The following SEC23A variants were observed in gnomAD, a reference collection of about 807,000 sequenced individuals.
SEC23A encodes protein transport protein Sec23A.
Under a neutral mutation model 103.7 loss-of-function variants are expected in SEC23A, and 56 were observed. The ratio of observed to expected loss-of-function variants is 0.54; its 90% CI spans 0.44 to 0.67. The LOEUF is 0.67. Ranked by LOEUF, SEC23A falls within the 30% of genes least tolerant of loss-of-function variation. The pLI, the probability that SEC23A is intolerant of heterozygous loss-of-function variation, is 0.00. For missense variants in SEC23A, 784 were observed against 936.4 expected (o/e 0.84, Z 2.12); for synonymous variants, 281 against 293.0 (o/e 0.96, Z 0.42).
chr14:39,072,870 G>C (rs1886886073), intron 9 of SEC23A, among the ~76,000 whole-genome samples: 1 of 152,080 alleles, frequency 6.6e-6, no homozygotes, highest in Non-Finnish European at 1.5e-5. Flanking sequence ...TGGAGAAACT[G>C]GAATCCTCAT....
intron 9 of SEC23A, among the ~76,000 whole-genome samples, chr14:39,067,544 AT>A (rs927032155): frequency 2.7e-5 from 4 of 147,126 alleles, no homozygotes; most frequent in Admixed American, 6.8e-5. Context: ...TTAAAAAAAA[AT>A]TCTTCTTTAA....
At chr14:39,049,928 C>T (rs1885996601) in intron 14 of SEC23A, among the ~76,000 whole-genome samples, 1 of 151,988 alleles carries the variant, frequency 6.6e-6, no homozygotes, top group Non-Finnish European at 1.5e-5. Flanking sequence ...GCCGCCACGC[C>T]CAGCTAATTT....
At chr14:39,078,846 G>C (rs1887126234) in intron 7 of SEC23A, among the ~76,000 whole-genome samples, 1 of 151,794 alleles carries the variant, frequency 6.6e-6, no homozygotes, top group African/African-American at 2.4e-5. Flanking sequence ...GAGATATAGA[G>C]GTCCAGCATC....
intron 14 of SEC23A, among the ~76,000 whole-genome samples, chr14:39,051,364 C>A (rs748517758): frequency 6.6e-6 from 1 of 152,192 alleles, no homozygotes. Context: ...CTAATCTGGT[C>A]TCTAGCCCCA....
chr14:39,049,656 T>C (rs8005340), intron 14 of SEC23A, among the ~76,000 whole-genome samples: 73,855 of 151,344 alleles, frequency 0.49, 18,409 homozygotes, highest in Middle Eastern at 0.57. Context: ...CACGTGACTA[T>C]AGTCCCAGCT....
Position 39,055,136 on chromosome 14 carries a change from T to G in SEC23A, c.1659+7A>C, listed in dbSNP as rs1423588994. ...AGATTTAGAAAAGCACAGTGTTTAT[T>G]TCTTACCAGTCGAATGAGCTGTCTG... On this transcript the variant is annotated splice_region_variant and intron_variant, in intron 14 of 19. Transcript: ENST00000307712. 1 of 1,614,162 alleles carries G rather than the reference T, an allele frequency of 6.2e-7. No individual in the cohort carries two copies.
intron 8 of SEC23A, 134 bp downstream of exon 8, chr14:39,075,801 C>G (rs1300941180): frequency 4.0e-6 from 3 of 743,246 alleles, no homozygotes; most frequent in African/African-American, 3.5e-5. Flanking sequence ...GAATATTTCT[C>G]CAATTCTGAA....
At chr14:39,048,561 C>G (rs1239726949) in intron 15 of SEC23A, 91 bp downstream of exon 15, 1 of 823,312 alleles carries the variant, frequency 1.2e-6, no homozygotes, top group Non-Finnish European at 2.1e-6. Flanking sequence ...GATGGAGCCA[C>G]TATACTTCAG....
intron 16 of SEC23A, among the ~76,000 whole-genome samples, chr14:39,044,288 T>C (rs2139191758): frequency 6.6e-6 from 1 of 152,004 alleles, no homozygotes; most frequent in South Asian, 2.1e-4. Context: ...ACGTTATTAC[T>C]CAGAAGAAAA....
chr14:39,037,036 T>C (rs1443650705), intron 19 of SEC23A, among the ~76,000 whole-genome samples: 7 of 152,160 alleles, frequency 4.6e-5, no homozygotes, highest in South Asian at 4.1e-4. Flanking sequence ...TTTTATGACA[T>C]ACTATTCTTT....
intron 1 of SEC23A, among the ~76,000 whole-genome samples, chr14:39,096,956 A>G (rs564338406): frequency 6.6e-6 from 1 of 152,206 alleles, no homozygotes; most frequent in Non-Finnish European, 1.5e-5. Flanking sequence ...TAATTTTCTT[A>G]TTGTGCAAGT....
intron 4 of SEC23A, 135 bp downstream of exon 4, chr14:39,092,406 A>G (rs976085475): frequency 3.0e-6 from 2 of 655,760 alleles, no homozygotes; most frequent in African/African-American, 3.7e-5. Context: ...ACTGACCTCA[A>G]CAGTTCTTAC....
At chr14:39,047,507 CA>C in intron 15 of SEC23A, 3 of 688,818 alleles carry the variant, frequency 4.4e-6, no homozygotes, top group Non-Finnish European at 6.1e-6. Context: ...AAAACAACAA[CA>C]ACAAAAAAAA....
chr14:39,047,932 T>G (rs1885899503), intron 15 of SEC23A, among the ~76,000 whole-genome samples: 1 of 152,096 alleles, frequency 6.6e-6, no homozygotes, highest in African/African-American at 2.4e-5. Flanking sequence ...ATCAAATGAG[T>G]TTATTTTCTA....
At chr14:39,068,966 G>A (rs550595482) in intron 9 of SEC23A, among the ~76,000 whole-genome samples, 1 of 152,190 alleles carries the variant, frequency 6.6e-6, no homozygotes, top group East Asian at 1.9e-4. Flanking sequence ...TGATCCAGAA[G>A]TCTTGCCAAC....
At chr14:39,040,995 A>G (rs1885618685) in intron 17 of SEC23A, 108 bp from the exon 18 acceptor site, 1 of 1,287,058 alleles carries the variant, frequency 7.8e-7, no homozygotes, top group Non-Finnish European at 1.0e-6. Flanking sequence ...ATTATAGACC[A>G]TTATTCCATT....
chr14:39,052,221 G>C (rs761713884), intron 14 of SEC23A, among the ~76,000 whole-genome samples: 15 of 151,862 alleles, frequency 9.9e-5, no homozygotes, highest in Non-Finnish European at 1.9e-4. Flanking sequence ...ATACCTGGGT[G>C]ATGGGATATC....
chr14:39,094,809 G>C (rs543371712), intron 2 of SEC23A: 3 of 557,608 alleles, frequency 5.4e-6, no homozygotes, highest in East Asian at 5.9e-5. Flanking sequence ...AGGGTAACAG[G>C]GTTAAGGTAT....
At chr14:39,098,316 A>C (rs1289107232) in intron 1 of SEC23A, among the ~76,000 whole-genome samples, 1 of 152,122 alleles carries the variant, frequency 6.6e-6, no homozygotes, top group Non-Finnish European at 1.5e-5. Context: ...TTTTAGCAAC[A>C]GCTTCCATGT....
Sources: allele counts gnomAD v4.1 joint callset (sites outside exome capture counted in the v4.1 genomes callset), GRCh38; gene constraint gnomAD v4.1.1; transcripts MANE v1.5; gene names NCBI Gene and HGNC (gene_info 2026-07-23, HGNC 2026-07-21).